ELMO1: variants seen among roughly 807,000 people sequenced by gnomAD.
ELMO1 encodes the protein engulfment and cell motility 1.
In ELMO1, 26 loss-of-function variants were observed where a neutral mutation model predicts 98.9. The ratio of observed to expected loss-of-function variants is 0.26; its 90% CI spans 0.19 to 0.36. ELMO1 has a LOEUF of 0.36. ELMO1 is among the 10% of genes least tolerant of loss of function. ELMO1 has a pLI of 1.00. For synonymous variants in ELMO1, 346 were observed against 346.0 expected (o/e 1.00, Z 0.00); for missense variants, 627 against 935.2 (o/e 0.67, Z 4.30).
chr7:37,273,210 T>C (rs2130863709), intron 4 of ELMO1, among the ~76,000 whole-genome samples: 1 of 152,350 alleles, frequency 6.6e-6, no homozygotes, highest in Non-Finnish European at 1.5e-5. Flanking sequence ...TCACTTAGCA[T>C]CTGGTGTGGT....
At position 36,897,884 on chromosome 7, in the gene ELMO1, T is replaced by C. The variant is rs78355049; in HGVS notation, c.1438-2867A>G. On this transcript the variant is annotated intron_variant, in intron 16 of 21. Coordinates refer to ENST00000310758, the MANE Select transcript of ELMO1 (RefSeq NM_014800.11). ...AGAACTTTTCCTAAGACTAGGTTGA[T>C]AGGCAGAAGGAAAAAGCAGGCACCT... 1.6e-3 allele frequency among the ~76,000 whole-genome samples: 240 copies of C among 152,326 alleles called. 1 individual carries two copies. Among genetic ancestry groups the C allele is most frequent in the African/African-American group, 5.7e-3 (235 of 41,582 alleles).
chr7:36,882,111 C>T (rs941729317), intron 18 of ELMO1, among the ~76,000 whole-genome samples: 1 of 152,200 alleles, frequency 6.6e-6, no homozygotes, highest in Non-Finnish European at 1.5e-5. Flanking sequence ...GCCATGGAAT[C>T]AGGACACATC....
At chr7:37,312,532 G>A (rs1219461041) in intron 4 of ELMO1, among the ~76,000 whole-genome samples, 1 of 152,132 alleles carries the variant, frequency 6.6e-6, no homozygotes, top group Non-Finnish European at 1.5e-5. Flanking sequence ...TGCCCAGAGG[G>A]TGCCTTAAAA....
chr7:37,172,142 G>T (rs1790208628), intron 13 of ELMO1, among the ~76,000 whole-genome samples: 1 of 152,156 alleles, frequency 6.6e-6, no homozygotes, highest in East Asian at 1.9e-4. Flanking sequence ...CTTAGAGTGA[G>T]TACACTCTCT....
chr7:36,993,209 G>A (rs890608197), intron 16 of ELMO1, among the ~76,000 whole-genome samples: 1 of 152,156 alleles, frequency 6.6e-6, no homozygotes, highest in East Asian at 1.9e-4. Flanking sequence ...AGCCAGATAT[G>A]GAACCACAGG....
chr7:37,005,124 A>AAAAAAAAAG (rs1792971088), intron 16 of ELMO1, among the ~76,000 whole-genome samples: 3 of 150,746 alleles, frequency 2.0e-5, no homozygotes, highest in Non-Finnish European at 3.0e-5. Flanking sequence ...AAAAAAAAAA[A>AAAAAAAAAG]AAAAAAAAGA....
rs757603040 is a variant in ELMO1, at chr7:37,314,911, G to A, written c.131C>T (p.Ala44Val). The A allele has an allele frequency of 6.2e-7, 1 of 1,613,560 alleles. No individual in the cohort carries two copies. The highest frequency in any genetic ancestry group is 8.5e-7 in the Non-Finnish European group (1 of 1,179,826). The change falls in exon 4 of 22, where the codon GCC becomes GTC. Residue 44 changes from alanine (A) to valine (V), a missense_variant. Ala to Val is a moderately conservative substitution (Grantham distance 64). Coordinates refer to ENST00000310758, the MANE Select transcript of ELMO1 (RefSeq NM_014800.11). The stretch of plus-strand genomic sequence containing the variant: ...CTGGAGTGCAAAATATTCATGGTTG[G>A]CAAGAGACCACCTTAAAAATACAAG... The part of the protein sequence containing the change: ...IKEVCDGWSL[A>V]NHEYFALQHA...
chr7:37,150,922 GT>G (rs1264612887), intron 13 of ELMO1, among the ~76,000 whole-genome samples: 1 of 152,218 alleles, frequency 6.6e-6, no homozygotes, highest in Non-Finnish European at 1.5e-5. Flanking sequence ...ATGAGAAACA[GT>G]TTGGCTTCTC....
chr7:36,930,569 A>G (rs1882083), intron 16 of ELMO1, among the ~76,000 whole-genome samples: 110,537 of 152,152 alleles, frequency 0.73, 41,581 homozygotes, highest in South Asian at 0.86. Flanking sequence ...CCTGTATTCC[A>G]GGGGCATTGC....
Position 37,349,232 on chromosome 7 carries a change from T to C in ELMO1, c.-73-6469A>G, listed in dbSNP as rs964610746. On this transcript the variant is annotated intron_variant, in intron 1 of 21. Transcript: ENST00000310758. Reference sequence around the variant, plus strand: ...CCGCTAAGTCATTATCTACTGATGATGGATAATGGGTTTATAATGATGATG... The same window carrying C: ...CCGCTAAGTCATTATCTACTGATGACGGATAATGGGTTTATAATGATGATG... Among the ~76,000 whole-genome samples, 10 of 152,284 alleles carry C rather than the reference T, an allele frequency of 6.6e-5. No individual in the cohort carries two copies. The East Asian group carries it at 1.9e-3, about 29-fold the overall frequency.
intron 1 of ELMO1, among the ~76,000 whole-genome samples, chr7:37,353,828 A>G (rs1168192287): frequency 6.6e-6 from 1 of 152,174 alleles, no homozygotes; most frequent in Admixed American, 6.5e-5. Flanking sequence ...TGGTGTATTT[A>G]CAATCCTTTA....
chr7:37,364,874 C>T (rs1227737929), intron 1 of ELMO1, among the ~76,000 whole-genome samples: 3 of 152,138 alleles, frequency 2.0e-5, no homozygotes, highest in Non-Finnish European at 4.4e-5. Flanking sequence ...TTTTTGTAAA[C>T]TCTTTGTGCC....
chr7:36,899,002 T>C (rs2091053535), intron 16 of ELMO1, among the ~76,000 whole-genome samples: 1 of 152,048 alleles, frequency 6.6e-6, no homozygotes, highest in Non-Finnish European at 1.5e-5. Flanking sequence ...AAAGGCCACA[T>C]GCAGACAGGC....
chr7:37,157,709 C>T (rs191940367), intron 13 of ELMO1, among the ~76,000 whole-genome samples: 19 of 152,114 alleles, frequency 1.2e-4, no homozygotes, highest in African/African-American at 3.4e-4. Flanking sequence ...GAATCAATAT[C>T]GTGAAAATGG....
chr7:37,192,971 A>C (rs1406072061), intron 13 of ELMO1, among the ~76,000 whole-genome samples: 4 of 17,048 alleles, frequency 2.3e-4, no homozygotes, highest in Non-Finnish European at 7.4e-4. Context: ...TATATAGGAG[A>C]TATATATATA....
Position 37,351,522 on chromosome 7 carries a change from G to A in ELMO1, c.-73-8759C>T, listed in dbSNP as rs1447123043. On this transcript the variant is annotated intron_variant, in intron 1 of 21. Transcript: ENST00000310758. ...GCAAGGAGAAGCAAAGACAAGTCAA[G>A]AGGAAAACATTCAAAAGGGAACAAG... Among the ~76,000 whole-genome samples the A allele has an allele frequency of 2.6e-5, 4 of 152,336 alleles. No individual in the cohort carries two copies. The East Asian group carries it at 7.7e-4, about 29-fold the overall frequency.
intron 1 of ELMO1, among the ~76,000 whole-genome samples, chr7:37,372,080 T>C (rs532891612): frequency 6.6e-6 from 1 of 152,186 alleles, no homozygotes; most frequent in East Asian, 1.9e-4. Flanking sequence ...GTCATTCTCT[T>C]GACCTTTTGC....
chr7:36,973,688 G>A (rs529891886), intron 16 of ELMO1, among the ~76,000 whole-genome samples: 3 of 152,214 alleles, frequency 2.0e-5, no homozygotes, highest in Non-Finnish European at 2.9e-5. Context: ...GTGGGAGCCC[G>A]TTTCTGGGCT....
chr7:37,447,088 T>C (rs1805646726), intron 1 of ELMO1, among the ~76,000 whole-genome samples: 1 of 152,194 alleles, frequency 6.6e-6, no homozygotes, highest in African/African-American at 2.4e-5. Flanking sequence ...ATGAGAACCC[T>C]GGCCAGAGGA....
Sources: allele counts gnomAD v4.1 joint callset (sites outside exome capture counted in the v4.1 genomes callset), GRCh38; gene constraint gnomAD v4.1.1; transcripts MANE v1.5; gene names NCBI Gene and HGNC (gene_info 2026-07-23, HGNC 2026-07-21).